The following RBFOX1 variants were observed in gnomAD, a reference collection of about 807,000 sequenced individuals.
RBFOX1 encodes the protein RNA binding protein fox-1 homolog 1.
In RBFOX1, 8 loss-of-function variants were observed where a neutral mutation model predicts 57.7. The observed-to-expected ratio is 0.14, with a 90% CI of 0.08 to 0.25. RBFOX1 has a LOEUF of 0.25. Ranked by LOEUF, RBFOX1 falls within the 10% of genes least tolerant of loss-of-function variation. RBFOX1 has a pLI of 1.00. For missense variants in RBFOX1, 611 were observed against 548.5 expected (o/e 1.11, Z -1.14); for synonymous variants, 326 against 222.4 (o/e 1.47, Z -4.15).
intron 3 of RBFOX1, among the ~76,000 whole-genome samples, chr16:6,938,132 AT>A (rs2077685274): frequency 6.6e-6 from 1 of 152,188 alleles, no homozygotes; most frequent in South Asian, 2.1e-4. Flanking sequence ...ACATATAGAA[AT>A]TTTGAACTAT....
chr16:6,639,803 T>G (rs1301893894), intron 2 of RBFOX1, among the ~76,000 whole-genome samples: 1 of 151,998 alleles, frequency 6.6e-6, no homozygotes, highest in African/African-American at 2.4e-5. Flanking sequence ...GGTGTGAACC[T>G]GGGAGGCAGA....
At chr16:7,659,961 A>T (rs994470376) in intron 12 of RBFOX1, among the ~76,000 whole-genome samples, 9 of 152,158 alleles carry the variant, frequency 5.9e-5, no homozygotes, top group African/African-American at 2.2e-4. Flanking sequence ...CATGCCAGCT[A>T]GTTTCTGATC....
chr16:6,455,998 A>G (rs754026192), intron 2 of RBFOX1, among the ~76,000 whole-genome samples: 2 of 151,082 alleles, frequency 1.3e-5, no homozygotes, highest in Non-Finnish European at 2.9e-5. Flanking sequence ...CACAAAGCTT[A>G]TATCTAAGGA....
At chr16:5,688,311 G>C (rs370919954) in intron 3 of RBFOX1, among the ~76,000 whole-genome samples, 2 of 152,132 alleles carry the variant, frequency 1.3e-5, no homozygotes, top group East Asian at 1.9e-4. Flanking sequence ...TAAGAAAAAA[G>C]CATTTTTTGC....
At chr16:6,693,420 A>G (rs1056077345) in intron 3 of RBFOX1, among the ~76,000 whole-genome samples, 11 of 150,536 alleles carry the variant, frequency 7.3e-5, no homozygotes, top group Non-Finnish European at 1.3e-4. Context: ...CATCACCACT[A>G]TCATTATCAA....
chr16:7,257,773 A>G (rs1258843096), intron 4 of RBFOX1, among the ~76,000 whole-genome samples: 2 of 152,194 alleles, frequency 1.3e-5, no homozygotes, highest in African/African-American at 2.4e-5. Flanking sequence ...GCAGATTTGA[A>G]TGGAAGATTT....
At chr16:7,677,739 A>G (rs1045254497) in intron 14 of RBFOX1, among the ~76,000 whole-genome samples, 4 of 152,184 alleles carry the variant, frequency 2.6e-5, no homozygotes, top group African/African-American at 9.6e-5. Flanking sequence ...TTTGGTAATG[A>G]GTCCTTTATT....
intron 3 of RBFOX1, among the ~76,000 whole-genome samples, chr16:5,650,823 G>T (rs547854273): frequency 1.3e-5 from 2 of 152,182 alleles, no homozygotes; most frequent in East Asian, 3.9e-4. Flanking sequence ...CCTTATGGAG[G>T]ACGGGGCAGC....
intron 4 of RBFOX1, among the ~76,000 whole-genome samples, chr16:7,302,755 TTC>T (rs1225119053): frequency 3.7e-3 from 296 of 79,610 alleles, no homozygotes; most frequent in East Asian, 0.017. Context: ...TTTTTTTTTT[TTC>T]CTGTCAGGAC....
chr16:7,036,011 A>G (rs1397740528), intron 3 of RBFOX1, among the ~76,000 whole-genome samples: 1 of 152,180 alleles, frequency 6.6e-6, no homozygotes, highest in Non-Finnish European at 1.5e-5. Context: ...AATCCTTCCC[A>G]TTTCTTAAAT....
chr16:5,348,578 G>A (rs1343787081), intron 1 of RBFOX1, among the ~76,000 whole-genome samples: 1 of 152,102 alleles, frequency 6.6e-6, no homozygotes, highest in African/African-American at 2.4e-5. Flanking sequence ...CATCATACTT[G>A]CTCTTAACCC....
At chr16:6,331,612 A>G (rs902466210) in intron 2 of RBFOX1, among the ~76,000 whole-genome samples, 16 of 150,014 alleles carry the variant, frequency 1.1e-4, no homozygotes, top group South Asian at 4.2e-4. Flanking sequence ...ATATGTGTAT[A>G]TATATATATA....
At chr16:6,863,101 A>G (rs1603633743) in intron 3 of RBFOX1, among the ~76,000 whole-genome samples, 1 of 152,274 alleles carries the variant, frequency 6.6e-6, no homozygotes, top group African/African-American at 2.4e-5. Flanking sequence ...AAGGATTTTT[A>G]CAGATTATTG....
At chr16:6,872,585 A>G (rs1295939464) in intron 3 of RBFOX1, among the ~76,000 whole-genome samples, 3 of 152,140 alleles carry the variant, frequency 2.0e-5, no homozygotes, top group Non-Finnish European at 2.9e-5. Flanking sequence ...AACGTTTGGA[A>G]CGGCAACAAA....
intron 3 of RBFOX1, among the ~76,000 whole-genome samples, chr16:6,779,813 A>ATT (rs1488763084): frequency 8.3e-5 from 3 of 36,198 alleles, no homozygotes; most frequent in African/African-American, 3.7e-4. Flanking sequence ...ATATTTATAT[A>ATT]TATATTTATA....
At chr16:7,157,824 G>A (rs1040568301) in intron 4 of RBFOX1, among the ~76,000 whole-genome samples, 4 of 152,170 alleles carry the variant, frequency 2.6e-5, no homozygotes, top group Admixed American at 1.3e-4. Flanking sequence ...TAAAGAAAAT[G>A]TAGATAAAAA....
chr16:5,716,856 A>C (rs1008580054), intron 3 of RBFOX1, among the ~76,000 whole-genome samples: 1 of 152,326 alleles, frequency 6.6e-6, no homozygotes, highest in East Asian at 1.9e-4. Context: ...TTTGGATGCA[A>C]ACCCAGGACT....
intron 3 of RBFOX1, among the ~76,000 whole-genome samples, chr16:6,791,595 C>T (rs1291495052): frequency 2.6e-5 from 4 of 152,148 alleles, no homozygotes; most frequent in African/African-American, 9.7e-5. Flanking sequence ...CCCATCTCTA[C>T]TAAAAATACA....
intron 3 of RBFOX1, among the ~76,000 whole-genome samples, chr16:6,945,826 G>C (rs1012146501): frequency 1.3e-5 from 2 of 152,216 alleles, no homozygotes; most frequent in Non-Finnish European, 2.9e-5. Flanking sequence ...AGGAGGCGGA[G>C]GTTGCAGTGT....
Sources: gnomAD v4.1 joint callset for allele counts (sites outside exome capture counted in the v4.1 genomes callset) on GRCh38, gnomAD v4.1.1 for gene constraint, MANE v1.5 for transcripts, NCBI Gene and HGNC (gene_info 2026-07-23, HGNC 2026-07-21) for gene names.